Variants in IQSEC1 observed in about 807,000 individuals in gnomAD.
The protein encoded by IQSEC1 is IQ motif and SEC7 domain-containing protein 1.
IQSEC1 carries 31 observed loss-of-function variants against 91.0 expected under a neutral mutation model. That is an observed-to-expected ratio of 0.34 (90% CI 0.26 to 0.46). The LOEUF (loss-of-function observed/expected upper bound fraction) is 0.46, where lower values mean the gene tolerates loss of function less well. Among genes scored for constraint, IQSEC1 ranks in the 20% least tolerant of loss-of-function variants. The pLI, the probability that IQSEC1 is intolerant of heterozygous loss-of-function variation, is 1.00. For missense variants in IQSEC1, 1,388 were observed against 1,575.6 expected (o/e 0.88, Z 2.02); for synonymous variants, 699 against 662.6 (o/e 1.05, Z -0.84).
Position 12,900,787 on chromosome 3 carries a change from A to C in IQSEC1, c.*196T>G. On this transcript the variant is annotated 3_prime_UTR_variant, in exon 14 of 14. Transcript: ENST00000613206. ...GGTGAGCAGAGCCCAGGGTGCCAAC[A>C]AGAAATGAAATCTGGGCCTTTGTTC... is the stretch of plus-strand genomic sequence containing the variant. The C allele has an allele frequency of 6.9e-7, 1 of 1,447,372 alleles. No individual in the cohort carries two copies. Among genetic ancestry groups the C allele is most frequent in the South Asian group, 1.4e-5 (1 of 69,124 alleles). The allele number at this position is 1,447,372 out of a possible 1,614,324, so 89.7% of individuals were successfully genotyped here.
chr3:12,956,308 A>G (rs1699901154), intron 1 of IQSEC1, among the ~76,000 whole-genome samples: 1 of 152,236 alleles, frequency 6.6e-6, no homozygotes, highest in Non-Finnish European at 1.5e-5. Flanking sequence ...ACTAGGATCT[A>G]CAGTTTGGGA....
In IQSEC1 at chr3:13,177,691, G is replaced by A. The variant is rs562025816; in HGVS notation, c.273-13558C>T. 4.6e-5 allele frequency among the ~76,000 whole-genome samples: 7 copies of A among 152,360 alleles called. No homozygotes were observed. The South Asian group carries it at 1.4e-3, about 32-fold the overall frequency. ...ATGTGGGTCCCCCGCCGGGCCTTCTGCTAACAGAACAGTTGTTGCTGTTCA... is the reference window on the plus strand; with the variant it reads ...ATGTGGGTCCCCCGCCGGGCCTTCTACTAACAGAACAGTTGTTGCTGTTCA... On this transcript the variant is annotated intron_variant, in intron 1 of 15. Coordinates refer to the IQSEC1 transcript ENST00000648114.
In IQSEC1 at chr3:13,261,981, T is replaced by G. The variant is rs963710245; in HGVS notation, c.272+20730A>C. On this transcript the variant is annotated intron_variant, in intron 1 of 15. Transcript: ENST00000648114. ...CAGTACACTTGACATCTTGGGAAAATAGGCAGCTCCTGTAAGAGCGTGAAG... is the reference window on the plus strand; with the variant it reads ...CAGTACACTTGACATCTTGGGAAAAGAGGCAGCTCCTGTAAGAGCGTGAAG... Among the ~76,000 whole-genome samples the G allele has an allele frequency of 5.3e-5, 8 of 152,320 alleles. No homozygotes were observed. In the East Asian group the frequency reaches 1.3e-3, roughly 26 times the overall value.
chr3:13,117,083 C>A (rs1706347153), intron 2 of IQSEC1, among the ~76,000 whole-genome samples: 1 of 150,806 alleles, frequency 6.6e-6, no homozygotes, highest in Non-Finnish European at 1.5e-5. Context: ...AATCACATAT[C>A]TGATAAGGAT....
chr3:13,220,101 G>A (rs914964603), intron 1 of IQSEC1, among the ~76,000 whole-genome samples: 15 of 152,218 alleles, frequency 9.9e-5, no homozygotes, highest in African/African-American at 3.6e-4. Flanking sequence ...CTAAACCCCA[G>A]CTTTAGGCAC....
At chr3:13,146,469 G>A (rs1426296241) in intron 2 of IQSEC1, among the ~76,000 whole-genome samples, 5 of 152,188 alleles carry the variant, frequency 3.3e-5, no homozygotes, top group Non-Finnish European at 2.9e-5. Flanking sequence ...CACGGTGGGC[G>A]GGCAGTGATG....
chr3:12,986,853 C>T (rs552118344), intron 1 of IQSEC1: 3 of 268,534 alleles, frequency 1.1e-5, no homozygotes, highest in South Asian at 8.2e-5. Context: ...TGGGCTGTGG[C>T]ATCTCCCAGA....
intron 1 of IQSEC1, among the ~76,000 whole-genome samples, chr3:12,996,000 C>T (rs1005759590): frequency 3.3e-5 from 5 of 152,150 alleles, no homozygotes; most frequent in African/African-American, 7.2e-5. Context: ...GGCAACACAG[C>T]GAGACTCCAT....
At chr3:13,268,833 G>C (rs1421624919) in intron 1 of IQSEC1, among the ~76,000 whole-genome samples, 1 of 152,276 alleles carries the variant, frequency 6.6e-6, no homozygotes, top group Non-Finnish European at 1.5e-5. Context: ...GATGAGCAAG[G>C]TATGGCTGCT....
upstream of IQSEC1, among the ~76,000 whole-genome samples, chr3:13,076,680 G>A (rs1260732040): frequency 6.6e-6 from 1 of 152,160 alleles, no homozygotes; most frequent in Non-Finnish European, 1.5e-5. Flanking sequence ...CTGTGGAACT[G>A]CAAAGCCGTC....
chr3:13,045,325 G>A (rs1704453903), intron 1 of IQSEC1, among the ~76,000 whole-genome samples: 1 of 152,110 alleles, frequency 6.6e-6, no homozygotes, highest in South Asian at 2.1e-4. Context: ...TTTTCTGCTT[G>A]CTGCCTGTGC....
At chr3:13,088,457 C>T (rs1294277112) in intron 2 of IQSEC1, among the ~76,000 whole-genome samples, 57 of 152,084 alleles carry the variant, frequency 3.7e-4, no homozygotes. Flanking sequence ...TCTCCAGGCC[C>T]CCACCCACTC....
At chr3:12,965,811 G>A (rs1700525668) in intron 1 of IQSEC1, among the ~76,000 whole-genome samples, 1 of 152,228 alleles carries the variant, frequency 6.6e-6, no homozygotes, top group Non-Finnish European at 1.5e-5. Flanking sequence ...TTTCAGCTCA[G>A]AGGGAGGCGG....
At chr3:13,109,940 T>C (rs577950074) in intron 2 of IQSEC1, among the ~76,000 whole-genome samples, 17 of 148,476 alleles carry the variant, frequency 1.1e-4, no homozygotes, top group African/African-American at 4.2e-4. Context: ...TTGAGTGCAG[T>C]GGCGTGATCT....
At chr3:13,236,899 G>GC (rs5846806) in intron 1 of IQSEC1, among the ~76,000 whole-genome samples, 5,990 of 151,686 alleles carry the variant, frequency 0.039, 132 homozygotes, top group Non-Finnish European at 0.051. Flanking sequence ...ACAACAAAAT[G>GC]CCCCCCTCCA....
At chr3:13,083,685 G>T (rs1705686726) in intron 2 of IQSEC1, among the ~76,000 whole-genome samples, 1 of 152,256 alleles carries the variant, frequency 6.6e-6, no homozygotes, top group African/African-American at 2.4e-5. Flanking sequence ...TGGAGAACAG[G>T]CATGAAATGG....
chr3:12,958,796 A>G lies in IQSEC1; in HGVS notation c.24-16931T>C, dbSNP rs115631191. On this transcript the variant is annotated intron_variant, in intron 1 of 13. Coordinates refer to ENST00000613206, the MANE Select transcript of IQSEC1 (RefSeq NM_001134382.3). ...CACTCTATGTACCAAGCACTGTGCT[A>G]GGAGCTAGGGTAGCAAACACACTCA... Among the ~76,000 whole-genome samples, 295 of 152,344 alleles carry G rather than the reference A, an allele frequency of 1.9e-3. 3 individuals are homozygous for G. The highest frequency in any genetic ancestry group is 6.8e-3 in the African/African-American group (283 of 41,570).
At chr3:13,110,224 C>T (rs747877663) in intron 2 of IQSEC1, among the ~76,000 whole-genome samples, 1 of 151,894 alleles carries the variant, frequency 6.6e-6, no homozygotes. Context: ...AGAATGGTGC[C>T]GGGCATATAG....
At position 12,967,254 on chromosome 3, in the gene IQSEC1, A is replaced by T; in HGVS notation, c.24-25389T>A. ...GTCTGGCGGACGCACCCCGCCCCGC[A>T]GGCAGCTTTCTCTCGCACGCCGGGC... On this transcript the variant is annotated intron_variant, in intron 1 of 13. Coordinates refer to ENST00000613206, the MANE Select transcript of IQSEC1 (RefSeq NM_001134382.3). The surrounding 1 kb of genome is among the most constrained non-coding windows in gnomAD (Gnocchi z 5.9). 1 of 698,700 alleles carries T rather than the reference A, an allele frequency of 1.4e-6. No homozygotes were observed. The highest frequency in any genetic ancestry group is 3.2e-5 in the Admixed American group (1 of 31,084). The allele number at this position is 698,700 out of a possible 1,614,324, so 43.3% of individuals were successfully genotyped here. A position where few individuals can be genotyped will look rare whatever the true frequency, so the allele number is the denominator to read the frequency against.
Sources: gnomAD v4.1 joint callset for allele counts (sites outside exome capture counted in the v4.1 genomes callset) on GRCh38, gnomAD v4.1.1 for gene constraint, Gnocchi (gnomAD v3.1) non-coding constraint, MANE v1.5 for transcripts, NCBI Gene and HGNC (gene_info 2026-07-23, HGNC 2026-07-21) for gene names.